Variants in TMEM74B observed in about 807,000 individuals in gnomAD.
TMEM74B encodes transmembrane protein C20orf46.
TMEM74B carries 7 observed loss-of-function variants against 6.5 expected under a neutral mutation model. That is an observed-to-expected ratio of 1.07 (90% CI 0.61 to 2.01). The LOEUF (loss-of-function observed/expected upper bound fraction) is 2.01. TMEM74B is among the 30% of genes most tolerant of loss of function. The pLI, the probability that TMEM74B is intolerant of heterozygous loss-of-function variation, is 0.00. For synonymous variants in TMEM74B, 151 were observed against 151.6 expected (o/e 1.00, Z 0.03); for missense variants, 342 against 337.0 (o/e 1.01, Z -0.12).
rs1258466703 is a variant in TMEM74B, at chr20:1,180,583, CTT to C, written c.*263_*264del. 2 of 384,514 alleles carry C rather than the reference CTT, an allele frequency of 5.2e-6. No homozygotes were observed. Among genetic ancestry groups the C allele is most frequent in the African/African-American group, 2.1e-5 (1 of 48,240 alleles). The allele number at this position is 384,514 out of a possible 1,614,324, so 23.8% of individuals were successfully genotyped here. On this transcript the variant is annotated 3_prime_UTR_variant, in exon 3 of 3. Coordinates refer to ENST00000429036, the MANE Select transcript of TMEM74B (RefSeq NM_001304748.2). The surrounding 1 kb of genome is among the most constrained non-coding windows in gnomAD (Gnocchi z 6.1). The stretch of plus-strand genomic sequence containing the variant: ...TCCTCCAAGAGCAGCGGTTTCCAAA[CTT>C]TTGTATTTTTAGCAGCAGAAGCCAT...
upstream of TMEM74B, among the ~76,000 whole-genome samples, chr20:1,188,155 T>TACAC (rs138460101): frequency 0.01 from 1,468 of 141,222 alleles, 23 homozygotes; most frequent in East Asian, 0.036. Context: ...ATATATATAA[T>TACAC]ACACACACAC....
intron 2 of TMEM74B, among the ~76,000 whole-genome samples, chr20:1,183,538 C>T (rs1407918621): frequency 2.6e-5 from 4 of 152,150 alleles, no homozygotes; most frequent in Non-Finnish European, 5.9e-5. Flanking sequence ...TCTATCACTA[C>T]GTCTCTCTTT....
rs914325087 is a variant in TMEM74B, at chr20:1,181,640, G to T, written c.32-53C>A. 2.1e-6 allele frequency: 3 copies of T among 1,441,038 alleles called. No homozygotes were observed. The Admixed American group carries it at 8.0e-5, about 39-fold the overall frequency. The allele number at this position is 1,441,038 out of a possible 1,614,324, so 89.3% of individuals were successfully genotyped here. ...AATGTAGCAACCTCTCCCTGTTGTGGAGGACATCATACCAGTCCCTAAGCA... is the reference window on the plus strand; with the variant it reads ...AATGTAGCAACCTCTCCCTGTTGTGTAGGACATCATACCAGTCCCTAAGCA... On this transcript the variant is annotated intron_variant, in intron 2 of 2. Coordinates refer to ENST00000429036, the MANE Select transcript of TMEM74B (RefSeq NM_001304748.2). The surrounding 1 kb of genome is among the most constrained non-coding windows in gnomAD (Gnocchi z 4.9).
At chr20:1,183,129 A>G (rs1049428901) in intron 2 of TMEM74B, among the ~76,000 whole-genome samples, 4 of 152,194 alleles carry the variant, frequency 2.6e-5, no homozygotes, top group Non-Finnish European at 4.4e-5. Context: ...GAGGGCACAT[A>G]CACTCAGAGC....
upstream of TMEM74B, among the ~76,000 whole-genome samples, chr20:1,188,245 C>T (rs922261672): frequency 6.7e-6 from 1 of 149,406 alleles, no homozygotes; most frequent in Non-Finnish European, 1.5e-5. Context: ...AGCAATGATA[C>T]TCCATAGCAA....
rs962530730 is a variant in TMEM74B at position 1,184,030 on chromosome 20, G to A, written c.-147-82C>T. On this transcript the variant is annotated intron_variant, in intron 1 of 2. Coordinates refer to ENST00000429036, the MANE Select transcript of TMEM74B (RefSeq NM_001304748.2). This position sits in a 1 kb window ranked among gnomAD's most constrained non-coding sequence, Gnocchi z 6.0. The stretch of plus-strand genomic sequence containing the variant: ...TAGCACCAAAAACATTTTCCTGAGT[G>A]CCCAGCCACAAACAGGGACCAGCAG... 5.7e-6 allele frequency: 3 copies of A among 522,138 alleles called. No homozygotes were observed. The highest frequency in any genetic ancestry group is 7.0e-5 in the Admixed American group (2 of 28,582). 32.3% of individuals were successfully genotyped at this position (522,138 alleles called of 1,614,324 possible).
Position 1,181,586 on chromosome 20 carries a change from A to C in TMEM74B, c.33T>G (p.Ala11=), listed in dbSNP as rs1218940936. The C allele has an allele frequency of 1.4e-5, 20 of 1,449,640 alleles. No individual in the cohort carries two copies. The Admixed American group carries it at 5.3e-4, about 39-fold the overall frequency. 89.8% of individuals were successfully genotyped at this position (1,449,640 alleles called of 1,614,324 possible). A position where few individuals can be genotyped will look rare whatever the true frequency, so the allele number is the denominator to read the frequency against. The change falls in exon 3 of 3, where the codon GCT becomes GCG. Residue 11 remains alanine, a splice_region_variant and synonymous_variant. Transcript: ENST00000429036. This position sits in a 1 kb window ranked among gnomAD's most constrained non-coding sequence, Gnocchi z 4.9. ...CCAGCTCATCCCTTGGCCCCTTGGCAGCTGGAAGAGAAAAAAGAAAGTCAG... is the reference window on the plus strand; with the variant it reads ...CCAGCTCATCCCTTGGCCCCTTGGCCGCTGGAAGAGAAAAAAGAAAGTCAG... The part of the protein sequence containing the change: MPPAQGYEFA[A]AKGPRDELGP...
rs555109122 is a variant in TMEM74B at position 1,181,805 on chromosome 20, A to G, written c.32-218T>C. Among the ~76,000 whole-genome samples the G allele has an allele frequency of 1.8e-4, 28 of 152,302 alleles. No homozygotes were observed. The highest frequency in any genetic ancestry group is 6.7e-4 in the African/African-American group (28 of 41,558). The stretch of plus-strand genomic sequence containing the variant: ...ACCGGGTGGGGTATGGCTGTGGGCA[A>G]TTCACTAATCCTGTCTGGCTTCAGT... On this transcript the variant is annotated intron_variant, in intron 2 of 2. Transcript: ENST00000429036. This position sits in a 1 kb window ranked among gnomAD's most constrained non-coding sequence, Gnocchi z 4.9.
In TMEM74B at chr20:1,181,539, G is replaced by C. The variant is rs766437015; in HGVS notation, c.80C>G (p.Ser27Cys). The change falls in exon 3 of 3, where the codon TCT becomes TGT. Residue 27 changes from serine to cysteine, a missense_variant. Coordinates refer to ENST00000429036, the MANE Select transcript of TMEM74B (RefSeq NM_001304748.2). This position sits in a 1 kb window ranked among gnomAD's most constrained non-coding sequence, Gnocchi z 4.9. The stretch of plus-strand genomic sequence containing the variant: ...TGTCTTCAGTTCCAGACCAGGGGGA[G>C]ATGCCATTGGGAAGGAGGGCCCCAG... ...DELGPSFPMASPPGLELKTLS... is the reference protein window; with the variant it reads ...DELGPSFPMACPPGLELKTLS... 1.4e-6 allele frequency: 2 copies of C among 1,479,262 alleles called. No individual in the cohort carries two copies. The highest frequency in any genetic ancestry group is 1.8e-6 in the Non-Finnish European group (2 of 1,118,640). 91.6% of individuals were successfully genotyped at this position (1,479,262 alleles called of 1,614,324 possible). A position where few individuals can be genotyped will look rare whatever the true frequency, so the allele number is the denominator to read the frequency against.
At chr20:1,183,498 T>TA (rs1389201068) in intron 2 of TMEM74B, among the ~76,000 whole-genome samples, 1 of 152,096 alleles carries the variant, frequency 6.6e-6, no homozygotes, top group Non-Finnish European at 1.5e-5. Flanking sequence ...TTCATGTGAG[T>TA]ACAAAGCTCT....
chr20:1,185,707 G>A (rs2087007252), upstream of TMEM74B, among the ~76,000 whole-genome samples: 1 of 151,848 alleles, frequency 6.6e-6, no homozygotes, highest in African/African-American at 2.4e-5. Flanking sequence ...GCGCAGGGGC[G>A]GGGCGGGCGG....
At position 1,181,084 on chromosome 20, in the gene TMEM74B, C is replaced by T. The variant is rs191499293; in HGVS notation, c.535G>A (p.Ala179Thr). 55 of 1,613,844 alleles carry T rather than the reference C, an allele frequency of 3.4e-5. No individual in the cohort carries two copies. The highest frequency in any genetic ancestry group is 1.6e-4 in the East Asian group (7 of 44,868). ...LGSHLDRCII[A>T]GLGLLTVGGM... is the part of the protein sequence containing the mutation. ...CCCACCGTGAGCAGCCCGAGGCCTG[C>T]GATGATGCACCTGTCCAGGTGGGAG... Residue 179 changes from alanine to threonine, a missense_variant, in exon 3 of 3, where the codon GCA becomes ACA. Ala to Thr is a moderately conservative substitution (Grantham distance 58). Coordinates refer to ENST00000429036, the MANE Select transcript of TMEM74B (RefSeq NM_001304748.2). This position sits in a 1 kb window ranked among gnomAD's most constrained non-coding sequence, Gnocchi z 4.9.
At chr20:1,187,332 T>A (rs531689281), upstream of TMEM74B, among the ~76,000 whole-genome samples, 16 of 152,234 alleles carry the variant, frequency 1.1e-4, no homozygotes, top group African/African-American at 3.6e-4. Flanking sequence ...CCTGTTTCCC[T>A]CCCTGCAGTA....
At chr20:1,183,563 T>A (rs146549413) in intron 2 of TMEM74B, among the ~76,000 whole-genome samples, 5 of 152,074 alleles carry the variant, frequency 3.3e-5, no homozygotes, top group African/African-American at 1.2e-4. Flanking sequence ...AGTCTCAATT[T>A]AGTAAATGTT....
Position 1,183,963 on chromosome 20 carries a change from G to C in TMEM74B, c.-147-15C>G. ...GACTGCTTTTACTTTCCAGTGAATA[G>C]ACAGAAAAAAGAGATGTGTTTGTTG... On this transcript the variant is annotated splice_polypyrimidine_tract_variant and intron_variant, in intron 1 of 2. Transcript: ENST00000429036. The C allele has an allele frequency of 1.4e-6, 1 of 704,270 alleles. No individual in the cohort carries two copies. The highest frequency in any genetic ancestry group is 2.3e-6 in the Non-Finnish European group (1 of 430,520). The allele number at this position is 704,270 out of a possible 1,614,324, so 43.6% of individuals were successfully genotyped here.
At chr20:1,185,978 C>T (rs552057516), upstream of TMEM74B, 2 of 152,298 alleles carry the variant, frequency 1.3e-5, no homozygotes, top group African/African-American at 4.8e-5. Flanking sequence ...CCCCTTTTCT[C>T]TGCAATTTTT....
chr20:1,183,718 TGGA>T, intron 2 of TMEM74B, 50 bp downstream of exon 2: 1 of 1,604,616 alleles, frequency 6.2e-7, no homozygotes, highest in South Asian at 1.1e-5. Flanking sequence ...TATGGGAGGG[TGGA>T]GGACAGGAGT....
upstream of TMEM74B, chr20:1,185,468 A>C: frequency 6.7e-6 from 1 of 148,382 alleles, no homozygotes; most frequent in African/African-American, 2.5e-5. Flanking sequence ...GGACGGAGGG[A>C]CGGGAGAAGG....
chr20:1,185,880 G>A (rs974427904), upstream of TMEM74B, among the ~76,000 whole-genome samples: 1 of 146,900 alleles, frequency 6.8e-6, no homozygotes, highest in Non-Finnish European at 1.5e-5. Context: ...GAGGTCCTTA[G>A]GTCGGGACGG....
Sources: allele counts gnomAD v4.1 joint callset (sites outside exome capture counted in the v4.1 genomes callset), GRCh38; gene constraint gnomAD v4.1.1; non-coding constraint Gnocchi (gnomAD v3.1); transcripts MANE v1.5; gene names NCBI Gene and HGNC (gene_info 2026-07-23, HGNC 2026-07-21).